The following IQSEC1 variants were observed in gnomAD, a reference collection of about 807,000 sequenced individuals.
IQSEC1 encodes IQ motif and Sec7 domain ArfGEF 1, also known as IQ motif and SEC7 domain-containing protein 1.
In IQSEC1, 31 loss-of-function variants were observed where a neutral mutation model predicts 91.0. That is an observed-to-expected ratio of 0.34 (90% CI 0.26 to 0.46). IQSEC1 has a LOEUF of 0.46. Ranked by LOEUF, IQSEC1 falls within the 20% of genes least tolerant of loss-of-function variation. IQSEC1 has a pLI of 1.00. For missense variants in IQSEC1, 1,388 were observed against 1,575.6 expected, an observed-to-expected ratio of 0.88 and a Z score of 2.02; for synonymous variants, 699 against 662.6, an observed-to-expected ratio of 1.05 and a Z score of -0.84.
intron 1 of IQSEC1, among the ~76,000 whole-genome samples, chr3:13,246,832 G>A (rs867427687): frequency 6.6e-6 from 1 of 152,150 alleles, no homozygotes; most frequent in Non-Finnish European, 1.5e-5. Context: ...AGCGAGCTAT[G>A]AGCCCTGCCA....
intron 2 of IQSEC1, among the ~76,000 whole-genome samples, chr3:13,122,194 C>A (rs1252780313): frequency 6.6e-6 from 1 of 152,224 alleles, no homozygotes; most frequent in African/African-American, 2.4e-5. Flanking sequence ...GATGAAAACA[C>A]CCGTATAAAG....
chr3:13,163,587 A>G (rs1445002760), intron 2 of IQSEC1, among the ~76,000 whole-genome samples: 1 of 152,128 alleles, frequency 6.6e-6, no homozygotes, highest in Non-Finnish European at 1.5e-5. Context: ...TCTGGCAGAA[A>G]GCCCACTCCA....
chr3:13,103,016 C>G lies in IQSEC1; in HGVS notation c.303-55494G>C, dbSNP rs1176585704. Among the ~76,000 whole-genome samples the G allele has an allele frequency of 6.6e-6, 1 of 152,120 alleles. No individual in the cohort carries two copies. The highest frequency in any genetic ancestry group is 1.9e-4 in the East Asian group (1 of 5,174). On this transcript the variant is annotated intron_variant, in intron 2 of 15. Coordinates refer to the IQSEC1 transcript ENST00000648114. This position sits in a 1 kb window ranked among gnomAD's most constrained non-coding sequence, Gnocchi z 4.1. ...AGGGGCTCAGATCAGGTGCTTGGTG[C>G]CCCCCTACCTCAACCTGTGGGCTGG...
chr3:13,016,745 G>A (rs1403356621), intron 1 of IQSEC1, among the ~76,000 whole-genome samples: 2 of 152,190 alleles, frequency 1.3e-5, no homozygotes, highest in East Asian at 3.8e-4. Context: ...TTTTCAAACA[G>A]TCTTATTAAG....
chr3:13,173,423 A>T (rs1401202546), intron 1 of IQSEC1, among the ~76,000 whole-genome samples: 2 of 152,172 alleles, frequency 1.3e-5, no homozygotes, highest in African/African-American at 4.8e-5. Flanking sequence ...TGCTCCCTGC[A>T]CCAGCCCTGT....
At chr3:13,165,785 G>A (rs1693484029) in intron 1 of IQSEC1, among the ~76,000 whole-genome samples, 1 of 152,004 alleles carries the variant, frequency 6.6e-6, no homozygotes. Context: ...AATCACATGA[G>A]CGGCCCAGAG....
intron 1 of IQSEC1, among the ~76,000 whole-genome samples, chr3:13,173,453 C>T (rs1033040168): frequency 2.6e-5 from 4 of 152,330 alleles, no homozygotes; most frequent in East Asian, 1.9e-4. Flanking sequence ...CTTTGGGGAC[C>T]GGCCCAGAGC....
At chr3:13,001,080 T>C (rs1702402756) in intron 1 of IQSEC1, among the ~76,000 whole-genome samples, 1 of 151,882 alleles carries the variant, frequency 6.6e-6, no homozygotes, top group East Asian at 1.9e-4. Context: ...GCCTCCCAAG[T>C]AGCTGGGATT....
At chr3:13,217,697 TG>T (rs1369883991) in intron 1 of IQSEC1, among the ~76,000 whole-genome samples, 1 of 152,230 alleles carries the variant, frequency 6.6e-6, no homozygotes, top group Non-Finnish European at 1.5e-5. Flanking sequence ...TCCTTTAAAT[TG>T]CCTCACTCCT....
upstream of IQSEC1, among the ~76,000 whole-genome samples, chr3:13,074,741 A>AT (rs1443796678): frequency 1.1e-4 from 16 of 152,188 alleles, no homozygotes; most frequent in Non-Finnish European, 2.2e-4. Context: ...AATCGGCTGG[A>AT]TGTGGATGGC....
Position 12,908,084 on chromosome 3 carries a change from G to A in IQSEC1, c.2755+265C>T, listed in dbSNP as rs898004621. The stretch of plus-strand genomic sequence containing the variant: ...AAACAAGTAAATAAAACCCCTGGAA[G>A]AAGAAAGGGAAAATGGGGGTGACTT... On this transcript the variant is annotated intron_variant, in intron 12 of 13. Transcript: ENST00000613206. The surrounding 1 kb of genome is among the most constrained non-coding windows in gnomAD (Gnocchi z 4.9). Among the ~76,000 whole-genome samples, 15 of 152,370 alleles carry A rather than the reference G, an allele frequency of 9.8e-5. No individual in the cohort carries two copies. The highest frequency in any genetic ancestry group is 3.1e-4 in the African/African-American group (13 of 41,598).
In IQSEC1 at chr3:13,100,931, G is replaced by A. The variant is rs1175610064; in HGVS notation, c.303-53409C>T. ...AGGGGCGGCCAGGGAGGGCCTCCCCGAGAGGCAATCTTTGAATTGAGACCT... is the reference window on the plus strand; with the variant it reads ...AGGGGCGGCCAGGGAGGGCCTCCCCAAGAGGCAATCTTTGAATTGAGACCT... On this transcript the variant is annotated intron_variant, in intron 2 of 15. Coordinates refer to the IQSEC1 transcript ENST00000648114. Among the ~76,000 whole-genome samples, 4 of 148,480 alleles carry A rather than the reference G, an allele frequency of 2.7e-5. 1 individual carries two copies. Among genetic ancestry groups the A allele is most frequent in the East Asian group, 1.9e-4 (1 of 5,196 alleles).
Position 13,100,754 on chromosome 3 carries a change from T to C in IQSEC1, c.303-53232A>G, listed in dbSNP as rs549045509. On this transcript the variant is annotated intron_variant, in intron 2 of 15. Transcript: ENST00000648114. Reference sequence around the variant, plus strand: ...CATCGATTAATTCTACAAATGTTCATTGGACACTGGTCTGGGCCATGGGGA... The same window carrying C: ...CATCGATTAATTCTACAAATGTTCACTGGACACTGGTCTGGGCCATGGGGA... 5.6e-4 allele frequency among the ~76,000 whole-genome samples: 84 copies of C among 148,996 alleles called. 6 individuals carry two copies. The South Asian group carries it at 9.7e-3, about 17-fold the overall frequency.
chr3:12,987,138 C>T (rs899052315), intron 1 of IQSEC1: 2 of 242,860 alleles, frequency 8.2e-6, no homozygotes, highest in Admixed American at 5.6e-5. Flanking sequence ...AATCCGCCAG[C>T]TCCCGAGTCA....
At chr3:13,169,522 T>A (rs536560603) in intron 1 of IQSEC1, among the ~76,000 whole-genome samples, 1 of 151,890 alleles carries the variant, frequency 6.6e-6, no homozygotes, top group Non-Finnish European at 1.5e-5. Flanking sequence ...GTTGGAACAG[T>A]TTGGAGGGCT....
chr3:13,269,357 C>A (rs531955362), intron 1 of IQSEC1, among the ~76,000 whole-genome samples: 1 of 152,374 alleles, frequency 6.6e-6, no homozygotes, highest in East Asian at 1.9e-4. Flanking sequence ...TTTCTCCAGA[C>A]CCCCTTTCCC....
rs887201624 is a variant in IQSEC1 at position 12,977,448 on chromosome 3, A to C, written c.24-35583T>G. Among the ~76,000 whole-genome samples, 36 of 152,178 alleles carry C rather than the reference A, an allele frequency of 2.4e-4. 1 individual carries two copies. The highest frequency in any genetic ancestry group is 7.3e-5 in the Non-Finnish European group (5 of 68,036). ...GGTAGCTTTACCAAAACTGGGGCTT[A>C]TCTGCATATGAAAATGGGTGGAGAA... On this transcript the variant is annotated intron_variant, in intron 1 of 13. Coordinates refer to ENST00000613206, the MANE Select transcript of IQSEC1 (RefSeq NM_001134382.3).
Position 12,899,256 on chromosome 3 carries a change from G to A in IQSEC1, c.*1727C>T, listed in dbSNP as rs991851626. Reference sequence around the variant, plus strand: ...GAGGGGGCTCCCCTCTCCTCCTGCCGTCCGGCCACGGCTCACCACGCTGTC... The same window carrying A: ...GAGGGGGCTCCCCTCTCCTCCTGCCATCCGGCCACGGCTCACCACGCTGTC... On this transcript the variant is annotated 3_prime_UTR_variant, in exon 14 of 14. Transcript: ENST00000613206. 3.5e-5 allele frequency: 35 copies of A among 991,536 alleles called. No homozygotes were observed. The highest frequency in any genetic ancestry group is 4.6e-5 in the Non-Finnish European group (31 of 670,932). 61.4% of individuals were successfully genotyped at this position (991,536 alleles called of 1,614,324 possible).
upstream of IQSEC1, among the ~76,000 whole-genome samples, chr3:13,073,623 C>A (rs558292882): frequency 6.6e-6 from 1 of 152,380 alleles, no homozygotes; most frequent in Admixed American, 6.5e-5. Flanking sequence ...CTTCCTGGCC[C>A]GCGCTGGAAA....
Sources: gnomAD v4.1 joint callset for allele counts (sites outside exome capture counted in the v4.1 genomes callset) on GRCh38, gnomAD v4.1.1 for gene constraint, Gnocchi (gnomAD v3.1) non-coding constraint, MANE v1.5 for transcripts, NCBI Gene and HGNC (gene_info 2026-07-23, HGNC 2026-07-21) for gene names.